Variants in KCTD16 observed in about 807,000 individuals in gnomAD.
The protein encoded by KCTD16 is potassium channel tetramerization domain containing 16, also known as BTB/POZ domain-containing protein KCTD16.
A neutral mutation model predicts 33.2 loss-of-function variants in KCTD16; 13 were observed. That is an observed-to-expected ratio of 0.39 (90% CI 0.25 to 0.62). The LOEUF is 0.62. Among genes scored for constraint, KCTD16 ranks in the 20% least tolerant of loss-of-function variants. The pLI is 0.50. For synonymous variants in KCTD16, 197 were observed against 195.3 expected (o/e 1.01, Z -0.07); for missense variants, 441 against 525.1 (o/e 0.84, Z 1.57).
chr5:144,178,699 T>G (rs76671357), intron 2 of KCTD16, among the ~76,000 whole-genome samples: 1 of 152,234 alleles, frequency 6.6e-6, no homozygotes, highest in Non-Finnish European at 1.5e-5. Context: ...TTTGGAAAGA[T>G]TAACATCATT....
In KCTD16 at chr5:144,267,555, C is replaced by T. The variant is rs1381781662; in HGVS notation, c.832+60009C>T. Among the ~76,000 whole-genome samples the T allele has an allele frequency of 7.2e-5, 11 of 152,016 alleles. 1 individual carries two copies. Among genetic ancestry groups the T allele is most frequent in the Admixed American group, 7.2e-4 (11 of 15,254 alleles). On this transcript the variant is annotated intron_variant, in intron 3 of 3. Transcript: ENST00000512467. ...AATCAGTGCTTCCTGGAGTTTATACCCCCAAACTGTGGCTTTATCCATTTT... is the reference window on the plus strand; with the variant it reads ...AATCAGTGCTTCCTGGAGTTTATACTCCCAAACTGTGGCTTTATCCATTTT...
chr5:144,430,743 A>G (rs1753439540), intron 3 of KCTD16, among the ~76,000 whole-genome samples: 1 of 152,052 alleles, frequency 6.6e-6, no homozygotes, highest in African/African-American at 2.4e-5. Context: ...CAGATGATGC[A>G]TTTTTGATCC....
At position 144,206,537 on chromosome 5, in the gene KCTD16, A is replaced by T; in HGVS notation, c.-178A>T. 1.7e-6 allele frequency: 1 copy of T among 579,538 alleles called. No individual in the cohort carries two copies. The allele number at this position is 579,538 out of a possible 1,614,324, so 35.9% of individuals were successfully genotyped here. On this transcript the variant is annotated 5_prime_UTR_variant, in exon 3 of 4. Transcript: ENST00000512467. ...TAAACTACTTTTTCAGCATCACTTC[A>T]CCTGTGGACTCTTATACATTTTGAT...
At chr5:144,243,425 A>G (rs1048549216) in intron 3 of KCTD16, among the ~76,000 whole-genome samples, 13 of 152,184 alleles carry the variant, frequency 8.5e-5, no homozygotes, top group Non-Finnish European at 1.8e-4. Context: ...ATCTCTTTGT[A>G]TGTGGTAAAA....
Position 144,473,771 on chromosome 5 carries a change from G to A in KCTD16, c.944G>A (p.Cys315Tyr). Residue 315 changes from cysteine (C) to tyrosine (Y), a missense_variant, in exon 4 of 4, where the codon TGC becomes TAC. Cys to Tyr is a radical substitution (Grantham distance 194). Transcript: ENST00000512467. The part of the protein sequence containing the change: ...TSCNDLSTSS[C>Y]DSQSEASSPQ... ...TGCAATGACCTCTCCACATCTAGCT[G>A]CGACAGCCAGTCTGAGGCCAGCTCT... 6.2e-7 allele frequency: 1 copy of A among 1,614,108 alleles called. No homozygotes were observed. The highest frequency in any genetic ancestry group is 8.5e-7 in the Non-Finnish European group (1 of 1,179,998).
At chr5:144,178,293 T>C (rs1298923657) in intron 2 of KCTD16, among the ~76,000 whole-genome samples, 2 of 152,192 alleles carry the variant, frequency 1.3e-5, no homozygotes, top group Non-Finnish European at 2.9e-5. Context: ...ACTATAAAAG[T>C]AGGCATTCTG....
chr5:144,247,749 A>T (rs1754589624), intron 3 of KCTD16, among the ~76,000 whole-genome samples: 1 of 152,212 alleles, frequency 6.6e-6, no homozygotes, highest in African/African-American at 2.4e-5. Context: ...GCTGATTATG[A>T]ACACACTTAA....
intron 3 of KCTD16, among the ~76,000 whole-genome samples, chr5:144,395,721 A>G (rs1012611881): frequency 3.3e-5 from 5 of 152,180 alleles, no homozygotes; most frequent in Non-Finnish European, 7.3e-5. Flanking sequence ...AGTTCCAGGC[A>G]GGCCATCTCT....
chr5:144,461,379 T>A (rs1189648568), intron 3 of KCTD16, among the ~76,000 whole-genome samples: 1 of 152,114 alleles, frequency 6.6e-6, no homozygotes, highest in African/African-American at 2.4e-5. Context: ...CCTCAGAGAA[T>A]GAAAGCACCG....
chr5:144,452,139 T>C (rs1448963098), intron 3 of KCTD16, among the ~76,000 whole-genome samples: 1 of 145,044 alleles, frequency 6.9e-6, no homozygotes, highest in Non-Finnish European at 1.5e-5. Flanking sequence ...ATTAAATATA[T>C]ATAATATTAT....
Position 144,389,319 on chromosome 5 carries a change from C to T in KCTD16, c.833-84341C>T, listed in dbSNP as rs566040292. Among the ~76,000 whole-genome samples the T allele has an allele frequency of 2.6e-5, 4 of 152,266 alleles. No individual in the cohort carries two copies. The East Asian group carries it at 5.8e-4, about 22-fold the overall frequency. ...GCAAGTGAAGTTTCATCTGTGTTTA[C>T]AGCTGCTCCCCATCACTTGCACCCC... On this transcript the variant is annotated intron_variant, in intron 3 of 3. Coordinates refer to ENST00000512467, the MANE Select transcript of KCTD16 (RefSeq NM_020768.4).
chr5:144,468,586 C>T (rs1468893758), intron 3 of KCTD16, among the ~76,000 whole-genome samples: 4 of 152,210 alleles, frequency 2.6e-5, no homozygotes, highest in Admixed American at 1.3e-4. Context: ...CTCCACTATG[C>T]AATATCGTTT....
intron 3 of KCTD16, among the ~76,000 whole-genome samples, chr5:144,224,481 G>A (rs571744053): frequency 6.8e-6 from 1 of 146,906 alleles, no homozygotes; most frequent in East Asian, 2.1e-4. Flanking sequence ...AGAATTAATG[G>A]TAAACAAAAA....
At chr5:144,317,511 C>G (rs112493230) in intron 3 of KCTD16, among the ~76,000 whole-genome samples, 1 of 152,152 alleles carries the variant, frequency 6.6e-6, no homozygotes, top group Admixed American at 6.5e-5. Flanking sequence ...ATTGGTCAAC[C>G]GGAGAAAGCC....
Position 144,280,948 on chromosome 5 carries a change from G to A in KCTD16, c.832+73402G>A, listed in dbSNP as rs147669644. ...TGGGAGCCTGTAGTCCCAGCTACTC[G>A]GGAGGCTGAGGCAGGAGAATGGCGT... On this transcript the variant is annotated intron_variant, in intron 3 of 3. Coordinates refer to ENST00000512467, the MANE Select transcript of KCTD16 (RefSeq NM_020768.4). 3.9e-3 allele frequency among the ~76,000 whole-genome samples: 582 copies of A among 151,140 alleles called. 4 individuals carry two copies. The highest frequency in any genetic ancestry group is 0.022 in the Admixed American group (334 of 15,246).
intron 3 of KCTD16, among the ~76,000 whole-genome samples, chr5:144,368,757 C>T (rs1297074615): frequency 6.6e-6 from 1 of 152,136 alleles, no homozygotes; most frequent in Non-Finnish European, 1.5e-5. Flanking sequence ...GGATAGGAAA[C>T]TAATACACTG....
chr5:144,299,711 A>C (rs1751372462), intron 3 of KCTD16, among the ~76,000 whole-genome samples: 1 of 152,090 alleles, frequency 6.6e-6, no homozygotes, highest in African/African-American at 2.4e-5. Flanking sequence ...TAATGAAAGC[A>C]ACACAGTTGG....
Position 144,212,116 on chromosome 5 carries a change from G to A in KCTD16, c.832+4570G>A, listed in dbSNP as rs1484418764. On this transcript the variant is annotated intron_variant, in intron 3 of 3. Coordinates refer to ENST00000512467, the MANE Select transcript of KCTD16 (RefSeq NM_020768.4). ...AATTTCTGATGAAAAACAAACCGCA[G>A]TTTAAGTATAAGGCTTCATTATGAA... 4.6e-5 allele frequency among the ~76,000 whole-genome samples: 7 copies of A among 152,130 alleles called. No individual in the cohort carries two copies. In the East Asian group the frequency reaches 1.2e-3, roughly 25 times the overall value.
chr5:144,452,014 G>T (rs953293931), intron 3 of KCTD16, among the ~76,000 whole-genome samples: 14 of 151,602 alleles, frequency 9.2e-5, no homozygotes, highest in African/African-American at 3.4e-4. Flanking sequence ...GTTCTCTTTG[G>T]CGTTACAAAC....
Sources: allele counts gnomAD v4.1 joint callset (sites outside exome capture counted in the v4.1 genomes callset), GRCh38; gene constraint gnomAD v4.1.1; transcripts MANE v1.5; gene names NCBI Gene and HGNC (gene_info 2026-07-23, HGNC 2026-07-21).